MARCHF11: variants seen among roughly 807,000 people sequenced by gnomAD.
MARCHF11 encodes the protein E3 ubiquitin-protein ligase MARCHF11.
MARCHF11 carries 29 observed loss-of-function variants against 37.3 expected under a neutral mutation model. The observed-to-expected ratio is 0.78, with a 90% CI of 0.58 to 1.06. The LOEUF (loss-of-function observed/expected upper bound fraction) is 1.06, where lower values mean the gene tolerates loss of function less well. MARCHF11 is among the 50% of genes least tolerant of loss of function. The pLI is 0.00. For synonymous variants in MARCHF11, 233 were observed against 228.0 expected, an observed-to-expected ratio of 1.02 and a Z score of -0.20; for missense variants, 482 against 533.4, an observed-to-expected ratio of 0.90 and a Z score of 0.95.
At position 16,174,958 on chromosome 5, in the gene MARCHF11, C is replaced by T. The variant is rs949212748; in HGVS notation, c.693+2768G>A. Among the ~76,000 whole-genome samples the T allele has an allele frequency of 3.0e-4, 46 of 152,190 alleles. 1 individual carries two copies. Among genetic ancestry groups the T allele is most frequent in the African/African-American group, 1.1e-3 (44 of 41,442 alleles). The stretch of plus-strand genomic sequence containing the variant: ...AGTAGATGGTGAACCACGTCACTTC[C>T]AAGGCTATGCCTTAAGAGATTTGTA... On this transcript the variant is annotated intron_variant, in intron 2 of 3. Transcript: ENST00000332432.
intron 3 of MARCHF11, among the ~76,000 whole-genome samples, chr5:16,081,086 C>A (rs2126549542): frequency 6.6e-6 from 1 of 152,292 alleles, no homozygotes; most frequent in Middle Eastern, 3.4e-3. Flanking sequence ...CATCCTAATT[C>A]CTGCTCTTCC....
At chr5:16,075,586 G>GGAGAGAGA (rs141356580) in intron 3 of MARCHF11, among the ~76,000 whole-genome samples, 2 of 148,590 alleles carry the variant, frequency 1.3e-5, no homozygotes, top group South Asian at 2.1e-4. Flanking sequence ...TGAAAGAGAG[G>GGAGAGAGA]GAGAGAGAGA....
intron 2 of MARCHF11, among the ~76,000 whole-genome samples, chr5:16,091,400 G>A (rs1248208604): frequency 6.6e-6 from 1 of 152,132 alleles, no homozygotes; most frequent in Non-Finnish European, 1.5e-5. Flanking sequence ...TTTCATGCAT[G>A]CACGAAATTA....
At chr5:16,143,988 A>G (rs145129268) in intron 2 of MARCHF11, among the ~76,000 whole-genome samples, 68 of 152,302 alleles carry the variant, frequency 4.5e-4, no homozygotes, top group African/African-American at 1.6e-3. Flanking sequence ...TCTGTATTAA[A>G]ATCAACTGAA....
At chr5:16,155,387 T>C (rs1295723624) in intron 2 of MARCHF11, among the ~76,000 whole-genome samples, 1 of 151,736 alleles carries the variant, frequency 6.6e-6, no homozygotes, top group Non-Finnish European at 1.5e-5. Context: ...AAAGAAGGGA[T>C]TTTCCATTTT....
chr5:16,112,300 G>GGGCTATACCCTGC (rs1737156094), intron 2 of MARCHF11, among the ~76,000 whole-genome samples: 1 of 152,120 alleles, frequency 6.6e-6, no homozygotes. Flanking sequence ...GTCAAGAGTG[G>GGGCTATACCCTGC]GGCTATACCC....
At chr5:16,101,082 A>T (rs1736947465) in intron 2 of MARCHF11, among the ~76,000 whole-genome samples, 1 of 152,228 alleles carries the variant, frequency 6.6e-6, no homozygotes. Flanking sequence ...GAAAAAAAAA[A>T]AAGAATATTT....
chr5:16,091,194 T>G (rs975606063), intron 2 of MARCHF11, 113 bp from the exon 3 acceptor site: 6 of 743,442 alleles, frequency 8.1e-6, no homozygotes, highest in African/African-American at 1.8e-5. Flanking sequence ...TGAAATCTGA[T>G]GAGACCCCAA....
At chr5:16,070,692 A>G (rs1579671053) in intron 3 of MARCHF11, among the ~76,000 whole-genome samples, 3 of 152,292 alleles carry the variant, frequency 2.0e-5, no homozygotes, top group African/African-American at 7.2e-5. Context: ...AACAAATCCC[A>G]CAGGTCTTTA....
At chr5:16,150,690 C>T (rs1164711793) in intron 2 of MARCHF11, among the ~76,000 whole-genome samples, 2 of 152,018 alleles carry the variant, frequency 1.3e-5, no homozygotes, top group Non-Finnish European at 2.9e-5. Context: ...TGCCCTCCAC[C>T]TCTATTCCCT....
At chr5:16,083,617 C>A (rs915577220) in intron 3 of MARCHF11, among the ~76,000 whole-genome samples, 1 of 152,114 alleles carries the variant, frequency 6.6e-6, no homozygotes, top group Non-Finnish European at 1.5e-5. Context: ...TAATTTCTTT[C>A]TCTTTCCTTA....
intron 3 of MARCHF11, among the ~76,000 whole-genome samples, chr5:16,085,591 C>CGGGGGGGGGGTGGGGGGGGGGGGG (rs5866169): frequency 1.2e-5 from 1 of 82,188 alleles, no homozygotes. Flanking sequence ...TGGGTGGGGT[C>CGGGGGGGGGGTGGGGGGGGGGGGG]GGGGGGGGGA....
At chr5:16,077,047 C>T (rs928497537) in intron 3 of MARCHF11, among the ~76,000 whole-genome samples, 4 of 152,182 alleles carry the variant, frequency 2.6e-5, no homozygotes, top group African/African-American at 4.8e-5. Flanking sequence ...AGGAGGATTA[C>T]GGCAACCTTC....
Position 16,179,035 on chromosome 5 carries a change from T to C in MARCHF11, c.537+4A>G, listed in dbSNP as rs1579431211. 6.8e-7 allele frequency: 1 copy of C among 1,468,630 alleles called. No homozygotes were observed. 91.0% of individuals were successfully genotyped at this position (1,468,630 alleles called of 1,614,324 possible). ...GGCTGCCTCGGGGTCTCGCCGGGCC[T>C]TACCTGCTCCGCGCCCTGGAAGCAG... On this transcript the variant is annotated splice_donor_region_variant and intron_variant, in intron 1 of 3. Transcript: ENST00000332432.
intron 2 of MARCHF11, among the ~76,000 whole-genome samples, chr5:16,110,928 C>G (rs1737126846): frequency 6.6e-6 from 1 of 152,138 alleles, no homozygotes; most frequent in African/African-American, 2.4e-5. Context: ...TTCCCCCATA[C>G]TGTTCTTGTG....
chr5:16,096,898 C>T (rs1051879254), intron 2 of MARCHF11, among the ~76,000 whole-genome samples: 9 of 152,166 alleles, frequency 5.9e-5, no homozygotes, highest in South Asian at 2.1e-4. Flanking sequence ...ATAGCACATG[C>T]GCAGAGGGAA....
intron 2 of MARCHF11, among the ~76,000 whole-genome samples, chr5:16,092,516 A>G (rs1736803968): frequency 6.6e-6 from 1 of 152,192 alleles, no homozygotes; most frequent in Admixed American, 6.5e-5. Context: ...AAACTATTTC[A>G]TAAGTGGGAG....
At chr5:16,155,983 A>C (rs4701650) in intron 2 of MARCHF11, among the ~76,000 whole-genome samples, 35,553 of 151,778 alleles carry the variant, frequency 0.23, 4,326 homozygotes, top group South Asian at 0.33. Flanking sequence ...ATACCTAATA[A>C]ATGTTTCAGT....
chr5:16,080,298 CCCT>C (rs1395325739), intron 3 of MARCHF11, among the ~76,000 whole-genome samples: 1 of 152,038 alleles, frequency 6.6e-6, no homozygotes, highest in Non-Finnish European at 1.5e-5. Flanking sequence ...CCTAGAAGTT[CCCT>C]CCTCCTCATG....
Sources: allele counts gnomAD v4.1 joint callset (sites outside exome capture counted in the v4.1 genomes callset), GRCh38; gene constraint gnomAD v4.1.1; transcripts MANE v1.5; gene names NCBI Gene and HGNC (gene_info 2026-07-23, HGNC 2026-07-21).